FBXO36: variants seen among roughly 807,000 people sequenced by gnomAD.
FBXO36 encodes the protein F-box protein 36, also known as F-box only protein 36.
Under a neutral mutation model 17.0 loss-of-function variants are expected in FBXO36, and 18 were observed. That is an observed-to-expected ratio of 1.06 (90% confidence interval 0.73 to 1.57). The LOEUF (loss-of-function observed/expected upper bound fraction) is 1.57, where lower values mean the gene tolerates loss of function less well. Among genes scored for constraint, FBXO36 ranks in the 40% most tolerant of loss-of-function variants. The pLI, the probability that FBXO36 is intolerant of heterozygous loss-of-function variation, is 0.00. For synonymous variants in FBXO36, 83 were observed against 85.3 expected, an observed-to-expected ratio of 0.97 and a Z score of 0.15; for missense variants, 229 against 221.9, an observed-to-expected ratio of 1.03 and a Z score of -0.20.
chr2:230,002,301 T>C (rs1436070298), intron 3 of FBXO36, among the ~76,000 whole-genome samples: 2 of 152,210 alleles, frequency 1.3e-5, no homozygotes, highest in African/African-American at 4.8e-5. Flanking sequence ...TAATGTCCTT[T>C]TGCTGTTTTA....
chr2:229,951,920 T>G (rs773294491), intron 1 of FBXO36, among the ~76,000 whole-genome samples: 1 of 152,204 alleles, frequency 6.6e-6, no homozygotes, highest in Non-Finnish European at 1.5e-5. Context: ...AGCCTGAGAA[T>G]GAAACCTCAT....
At chr2:229,992,163 T>C (rs1472741908) in intron 2 of FBXO36, among the ~76,000 whole-genome samples, 1 of 151,782 alleles carries the variant, frequency 6.6e-6, no homozygotes, top group Non-Finnish European at 1.5e-5. Context: ...TCTCATTTAA[T>C]CTTTTTTTTT....
At chr2:229,939,801 G>A (rs1044859715) in intron 1 of FBXO36, among the ~76,000 whole-genome samples, 4 of 152,176 alleles carry the variant, frequency 2.6e-5, no homozygotes, top group Admixed American at 2.0e-4. Flanking sequence ...GCTAAGAACC[G>A]CCGGGCGCCG....
intron 1 of FBXO36, chr2:229,939,058 G>GTTTTTTTTTTTT (rs199897011): frequency 3.5e-5 from 4 of 115,618 alleles, no homozygotes; most frequent in East Asian, 2.6e-4. Context: ...TTTGTTTTTT[G>GTTTTTTTTTTTT]TTTTTTTTTT....
intron 2 of FBXO36, among the ~76,000 whole-genome samples, chr2:229,981,093 G>T (rs930027720): frequency 6.6e-6 from 1 of 152,166 alleles, no homozygotes; most frequent in Non-Finnish European, 1.5e-5. Flanking sequence ...CCACCAGCCC[G>T]CTGTGTGATC....
At chr2:229,957,585 C>T (rs1324521860) in intron 1 of FBXO36, among the ~76,000 whole-genome samples, 1 of 152,048 alleles carries the variant, frequency 6.6e-6, no homozygotes, top group Admixed American at 6.6e-5. Flanking sequence ...CAAAACGATA[C>T]AAAACAATGA....
At chr2:229,967,189 A>C (rs368538399) in intron 1 of FBXO36, among the ~76,000 whole-genome samples, 38 of 152,192 alleles carry the variant, frequency 2.5e-4, no homozygotes, top group African/African-American at 9.1e-4. Context: ...GTCTGTTATT[A>C]GTGTATAAGA....
chr2:229,935,574 T>C (rs757361789), intron 1 of FBXO36, among the ~76,000 whole-genome samples: 22 of 151,994 alleles, frequency 1.4e-4, no homozygotes, highest in Admixed American at 2.0e-4. Context: ...TATTAACACA[T>C]AGTAATTTTC....
chr2:229,971,868 G>A (rs913067390), intron 1 of FBXO36, among the ~76,000 whole-genome samples: 2 of 151,740 alleles, frequency 1.3e-5, no homozygotes, highest in African/African-American at 4.8e-5. Flanking sequence ...TGTAGAGACA[G>A]GGCCTCACTG....
At chr2:229,939,998 T>G (rs548037858) in intron 1 of FBXO36, among the ~76,000 whole-genome samples, 1 of 152,218 alleles carries the variant, frequency 6.6e-6, no homozygotes, top group East Asian at 1.9e-4. Context: ...GGAGGATTGC[T>G]TAAGCCCGGG....
chr2:229,937,224 G>A (rs1251673444), intron 1 of FBXO36, among the ~76,000 whole-genome samples: 10 of 152,176 alleles, frequency 6.6e-5, no homozygotes, highest in African/African-American at 2.4e-4. Context: ...GCTGGGCGCG[G>A]TGGCTCACGC....
At chr2:229,941,038 C>T (rs62191701) in intron 1 of FBXO36, among the ~76,000 whole-genome samples, 12,487 of 152,082 alleles carry the variant, frequency 0.082, 689 homozygotes, top group Middle Eastern at 0.16. Context: ...GGCACAATCC[C>T]CCTGGCCTAC....
At chr2:229,962,427 C>A (rs1173875202) in intron 1 of FBXO36, among the ~76,000 whole-genome samples, 1 of 151,626 alleles carries the variant, frequency 6.6e-6, no homozygotes, top group African/African-American at 2.4e-5. Context: ...AACTCTTGGA[C>A]TAACGCAATC....
chr2:229,927,026 A>T (rs569586793), intron 1 of FBXO36, among the ~76,000 whole-genome samples: 123 of 151,784 alleles, frequency 8.1e-4, no homozygotes, highest in African/African-American at 2.8e-3. Flanking sequence ...TGCCCAGCTA[A>T]TTTTTGTATT....
chr2:230,005,314 C>T (rs898447952), intron 3 of FBXO36, among the ~76,000 whole-genome samples: 26 of 152,242 alleles, frequency 1.7e-4, no homozygotes, highest in African/African-American at 6.3e-4. Context: ...CTTGCCTTAG[C>T]TGGTCTCGAA....
chr2:230,004,763 T>C (rs2077378116), intron 3 of FBXO36, among the ~76,000 whole-genome samples: 1 of 152,184 alleles, frequency 6.6e-6, no homozygotes, highest in Non-Finnish European at 1.5e-5. Context: ...TCCCAGCACT[T>C]TGGGAGGCCG....
chr2:229,928,449 A>G (rs2076923673), intron 1 of FBXO36, among the ~76,000 whole-genome samples: 2 of 152,232 alleles, frequency 1.3e-5, no homozygotes, highest in South Asian at 2.1e-4. Flanking sequence ...ATTTTCTACC[A>G]TGAGCATTTA....
At chr2:229,966,097 T>G (rs1314569203) in intron 1 of FBXO36, among the ~76,000 whole-genome samples, 4 of 152,220 alleles carry the variant, frequency 2.6e-5, no homozygotes, top group Non-Finnish European at 4.4e-5. Context: ...GGTATCTCAT[T>G]GTGGTTTTGA....
chr2:230,002,557 T>C (rs778233106), intron 3 of FBXO36, among the ~76,000 whole-genome samples: 4 of 152,142 alleles, frequency 2.6e-5, no homozygotes, highest in Non-Finnish European at 4.4e-5. Flanking sequence ...CTAATTTTTG[T>C]ATTTTTTGTA....
Sources: allele counts gnomAD v4.1 joint callset (sites outside exome capture counted in the v4.1 genomes callset), GRCh38; gene constraint gnomAD v4.1.1; transcripts MANE v1.5; gene names NCBI Gene and HGNC (gene_info 2026-07-23, HGNC 2026-07-21).